Variants in GSK3B observed in about 807,000 individuals in gnomAD.
The protein encoded by GSK3B is glycogen synthase kinase 3 beta.
In GSK3B, 15 loss-of-function variants were observed where a neutral mutation model predicts 56.4. That is an observed-to-expected ratio of 0.27 (90% CI 0.18 to 0.41). The LOEUF (loss-of-function observed/expected upper bound fraction) is 0.41. GSK3B is among the 10% of genes least tolerant of loss of function. The pLI, the probability that GSK3B is intolerant of heterozygous loss-of-function variation, is 1.00. For missense variants in GSK3B, 300 were observed against 513.4 expected, an observed-to-expected ratio of 0.58 and a Z score of 4.02; for synonymous variants, 181 against 188.9, an observed-to-expected ratio of 0.96 and a Z score of 0.34.
intron 3 of GSK3B, among the ~76,000 whole-genome samples, chr3:119,931,501 A>G (rs917006708): frequency 6.6e-6 from 1 of 152,292 alleles, no homozygotes; most frequent in African/African-American, 2.4e-5. Flanking sequence ...CTGTAGTCCC[A>G]GCTACTCAGG....
At chr3:120,032,286 C>T (rs1344666045) in intron 1 of GSK3B, among the ~76,000 whole-genome samples, 1 of 152,060 alleles carries the variant, frequency 6.6e-6, no homozygotes, top group East Asian at 1.9e-4. Context: ...ATCAGCCTGG[C>T]CGATATGGTG....
Position 119,843,280 on chromosome 3 carries a change from G to A in GSK3B, c.1170C>T (p.Thr390=), listed in dbSNP as rs373522752. 2 of 1,609,542 alleles carry A rather than the reference G, an allele frequency of 1.2e-6. No individual in the cohort carries two copies. Among genetic ancestry groups the A allele is most frequent in the African/African-American group, 1.3e-5 (1 of 74,912 alleles). ...CTGACGCTGCTGTGGCATTTGTGGG[G>A]GTTGAAGCAGCTGCTTGAATCCGAG... ...PHARIQAAAS[T]PTNATAASDA... Residue 390 remains threonine (T), a synonymous_variant, in exon 10 of 11, where the codon ACC becomes ACT. Coordinates refer to ENST00000264235, the MANE Select transcript of GSK3B (RefSeq NM_001146156.2).
At chr3:119,883,388 A>T (rs1216429610) in intron 7 of GSK3B, among the ~76,000 whole-genome samples, 2 of 152,146 alleles carry the variant, frequency 1.3e-5, no homozygotes, top group African/African-American at 4.8e-5. Context: ...TTAGGGAGCA[A>T]TTTAAAAATG....
chr3:120,059,571 A>C (rs905361979), intron 1 of GSK3B, among the ~76,000 whole-genome samples: 1 of 152,200 alleles, frequency 6.6e-6, no homozygotes, highest in African/African-American at 2.4e-5. Flanking sequence ...TTCCAAAGGA[A>C]TATACTTACA....
At chr3:119,903,500 T>C (rs956718731) in intron 7 of GSK3B, among the ~76,000 whole-genome samples, 1 of 152,106 alleles carries the variant, frequency 6.6e-6, no homozygotes, top group African/African-American at 2.4e-5. Context: ...AAGCACTTAA[T>C]GAAAATGAAG....
At chr3:120,001,996 G>T in intron 2 of GSK3B, 50 bp downstream of exon 2, 1 of 1,142,464 alleles carries the variant, frequency 8.8e-7, no homozygotes, top group Non-Finnish European at 1.2e-6. Flanking sequence ...ATCATTTATG[G>T]TATATGTATT....
chr3:120,082,136 C>T (rs2058424836), intron 1 of GSK3B, among the ~76,000 whole-genome samples: 1 of 152,022 alleles, frequency 6.6e-6, no homozygotes, highest in African/African-American at 2.4e-5. Context: ...TACAGCAAGC[C>T]CCCTTCTGAA....
At chr3:120,070,400 T>C (rs1452499636) in intron 1 of GSK3B, among the ~76,000 whole-genome samples, 1 of 152,180 alleles carries the variant, frequency 6.6e-6, no homozygotes, top group Admixed American at 6.5e-5. Flanking sequence ...GCATCTTACA[T>C]GCATAATTAC....
At chr3:120,067,190 T>C (rs1376524289) in intron 1 of GSK3B, among the ~76,000 whole-genome samples, 1 of 132,180 alleles carries the variant, frequency 7.6e-6, no homozygotes, top group African/African-American at 2.9e-5. Context: ...TTATAATACA[T>C]AAAGGATCTC....
intron 1 of GSK3B, among the ~76,000 whole-genome samples, chr3:120,078,673 C>A (rs1156307841): frequency 1.3e-5 from 2 of 151,718 alleles, no homozygotes; most frequent in Non-Finnish European, 2.9e-5. Flanking sequence ...CTGCCTCAGC[C>A]TCCCGTGTAG....
intron 2 of GSK3B, among the ~76,000 whole-genome samples, chr3:119,996,018 G>A (rs1351553713): frequency 1.3e-5 from 2 of 151,982 alleles, no homozygotes; most frequent in East Asian, 1.9e-4. Context: ...GATTACAAGC[G>A]TGAGCCACCA....
At chr3:120,073,897 T>C (rs2058347749) in intron 1 of GSK3B, among the ~76,000 whole-genome samples, 1 of 151,832 alleles carries the variant, frequency 6.6e-6, no homozygotes, top group Non-Finnish European at 1.5e-5. Flanking sequence ...AAACAAAGAG[T>C]TGGTTTTTTA....
At chr3:120,011,750 T>C (rs1041591526) in intron 1 of GSK3B, among the ~76,000 whole-genome samples, 2 of 152,116 alleles carry the variant, frequency 1.3e-5, no homozygotes, top group Non-Finnish European at 2.9e-5. Context: ...AAAAGCGCAT[T>C]ACCATTTGGC....
intron 1 of GSK3B, among the ~76,000 whole-genome samples, chr3:120,063,446 G>A (rs1256789871): frequency 6.6e-6 from 1 of 152,156 alleles, no homozygotes; most frequent in East Asian, 1.9e-4. Flanking sequence ...ATCAGTGCTG[G>A]CCGGGTGCAG....
rs559029265 is a variant in GSK3B at position 119,905,647 on chromosome 3, T to C, written c.813+108A>G. On this transcript the variant is annotated intron_variant, in intron 7 of 10. Coordinates refer to ENST00000264235, the MANE Select transcript of GSK3B (RefSeq NM_001146156.2). ...CTGAACTTGCTACGTGACCTTGGAT[T>C]GCTTCCTCCATTTTTTAAGTTTCTC... The C allele has an allele frequency of 6.0e-5, 42 of 702,246 alleles. 1 individual carries two copies. Among genetic ancestry groups the C allele is most frequent in the South Asian group, 3.3e-4 (18 of 54,514 alleles). 43.5% of individuals were successfully genotyped at this position (702,246 alleles called of 1,614,324 possible). A position where few individuals can be genotyped will look rare whatever the true frequency, so the allele number is the denominator to read the frequency against.
chr3:120,029,973 C>A, intron 1 of GSK3B: 1 of 479,518 alleles, frequency 2.1e-6, no homozygotes, highest in Admixed American at 2.2e-5. Flanking sequence ...TTGAAAGACA[C>A]CAGCATCTGG....
intron 9 of GSK3B, among the ~76,000 whole-genome samples, chr3:119,856,341 T>C (rs2056022830): frequency 6.6e-6 from 1 of 152,212 alleles, no homozygotes; most frequent in Non-Finnish European, 1.5e-5. Flanking sequence ...ACCAGTGTTC[T>C]GGTCTTCTGT....
intron 1 of GSK3B, among the ~76,000 whole-genome samples, chr3:120,077,315 T>A (rs2058375360): frequency 6.6e-6 from 1 of 152,148 alleles, no homozygotes. Flanking sequence ...TGTGTGTATA[T>A]ATATATGTGT....
rs199993113 is a variant in GSK3B, at chr3:120,000,107, G to A, written c.282+1939C>T. On this transcript the variant is annotated intron_variant, in intron 2 of 10. Transcript: ENST00000264235. The stretch of plus-strand genomic sequence containing the variant: ...TGACTAGAATAGTAGTGAAGAGAAA[G>A]AAAAAGAAGAGACACAGCCACAAGG... Among the ~76,000 whole-genome samples, 3 of 151,976 alleles carry A rather than the reference G, an allele frequency of 2.0e-5. No individual in the cohort carries two copies. The South Asian group carries it at 6.2e-4, about 31-fold the overall frequency.
Sources: allele counts gnomAD v4.1 joint callset (sites outside exome capture counted in the v4.1 genomes callset), GRCh38; gene constraint gnomAD v4.1.1; transcripts MANE v1.5; gene names NCBI Gene and HGNC (gene_info 2026-07-23, HGNC 2026-07-21).